The following ST8SIA4 variants were observed in gnomAD, a reference collection of about 807,000 sequenced individuals.
ST8SIA4 encodes ST8 alpha-N-acetyl-neuraminide alpha-2,8-sialyltransferase 4, also known as CMP-N-acetylneuraminate-poly-alpha-2,8-sialyltransferase.
Under a neutral mutation model 33.9 loss-of-function variants are expected in ST8SIA4, and 15 were observed. The observed-to-expected ratio is 0.44, with a 90% confidence interval of 0.30 to 0.68. The LOEUF is 0.68. Ranked by LOEUF, ST8SIA4 falls within the 30% of genes least tolerant of loss-of-function variation. The pLI is 0.10. For missense variants in ST8SIA4, 321 were observed against 428.0 expected (o/e 0.75, Z 2.21); for synonymous variants, 171 against 151.2 (o/e 1.13, Z -0.96).
chr5:100,853,668 G>T (rs1751750230), intron 4 of ST8SIA4, among the ~76,000 whole-genome samples: 1 of 152,160 alleles, frequency 6.6e-6, no homozygotes, highest in South Asian at 2.1e-4. Context: ...TAGGAGTCTT[G>T]TTAAATTACT....
At chr5:100,889,977 GAA>G (rs1056257176) in intron 2 of ST8SIA4, among the ~76,000 whole-genome samples, 9 of 151,764 alleles carry the variant, frequency 5.9e-5, no homozygotes, top group Non-Finnish European at 1.2e-4. Context: ...AAAGTAAAAA[GAA>G]AAAGAGGTAA....
intron 4 of ST8SIA4, among the ~76,000 whole-genome samples, chr5:100,829,562 G>A (rs1472135148): frequency 6.6e-6 from 1 of 152,120 alleles, no homozygotes; most frequent in Non-Finnish European, 1.5e-5. Flanking sequence ...ACATAATAAA[G>A]TACTTGTTGT....
chr5:100,813,263 T>A (rs1281130850), intron 4 of ST8SIA4, among the ~76,000 whole-genome samples: 1 of 152,024 alleles, frequency 6.6e-6, no homozygotes, highest in Non-Finnish European at 1.5e-5. Context: ...TTAAATAAAT[T>A]TATACTTTCA....
rs115772311 is a variant in ST8SIA4 at position 100,893,427 on chromosome 5, T to A, written c.245+2227A>T. ...TGTTCATTGTTTTATTGTTTATTTC[T>A]TTAATCTGTTAAGGAGAACCATACA... On this transcript the variant is annotated intron_variant, in intron 2 of 4. Transcript: ENST00000231461. 8.2e-3 allele frequency among the ~76,000 whole-genome samples: 1,253 copies of A among 152,276 alleles called. 9 individuals are homozygous for A. The highest frequency in any genetic ancestry group is 0.013 in the Non-Finnish European group (909 of 67,990).
At chr5:100,841,396 A>G (rs769466737) in intron 4 of ST8SIA4, among the ~76,000 whole-genome samples, 4 of 151,824 alleles carry the variant, frequency 2.6e-5, no homozygotes, top group Non-Finnish European at 5.9e-5. Context: ...AGGGAACATA[A>G]GGCCAATTCA....
At chr5:100,880,213 GATTAAAAAAGGGAT>G (rs1580478942) in intron 3 of ST8SIA4, among the ~76,000 whole-genome samples, 2 of 152,140 alleles carry the variant, frequency 1.3e-5, no homozygotes, top group East Asian at 3.9e-4. Flanking sequence ...TAGGGTCTGA[GATTAAAAAAGGGAT>G]AAATGCAGGC....
intron 4 of ST8SIA4, among the ~76,000 whole-genome samples, chr5:100,822,031 T>C (rs558619987): frequency 6.6e-6 from 1 of 152,308 alleles, no homozygotes; most frequent in African/African-American, 2.4e-5. Flanking sequence ...GGGTTTTGAA[T>C]TATATTACAA....
rs1580442236 is a variant in ST8SIA4, at chr5:100,806,958, C to G, written c.*4889G>C. 1 of 152,086 alleles carries G rather than the reference C, an allele frequency of 6.6e-6. No individual in the cohort carries two copies. The highest frequency in any genetic ancestry group is 1.9e-4 in the East Asian group (1 of 5,200). The allele number at this position is 152,086 out of a possible 1,614,324, so 9.4% of individuals were successfully genotyped here. A position where few individuals can be genotyped will look rare whatever the true frequency, so the allele number is the denominator to read the frequency against. On this transcript the variant is annotated 3_prime_UTR_variant, in exon 5 of 5. Transcript: ENST00000231461. ...TGTCACTTGTGAAATACTTTATTCC[C>G]TCAACCGCAAACAGAATGTGCTACA...
intron 3 of ST8SIA4, among the ~76,000 whole-genome samples, chr5:100,872,018 A>G (rs1752207171): frequency 6.6e-6 from 1 of 152,018 alleles, no homozygotes; most frequent in African/African-American, 2.4e-5. Context: ...CTTATGTACT[A>G]ATTTTGAAAT....
At chr5:100,855,817 A>G (rs1476001195) in intron 4 of ST8SIA4, among the ~76,000 whole-genome samples, 1 of 152,196 alleles carries the variant, frequency 6.6e-6, no homozygotes, top group Non-Finnish European at 1.5e-5. Flanking sequence ...TTTACTATGA[A>G]TTCTTATTAC....
At chr5:100,814,303 T>C (rs371996286) in intron 4 of ST8SIA4, among the ~76,000 whole-genome samples, 3 of 151,954 alleles carry the variant, frequency 2.0e-5, no homozygotes, top group African/African-American at 7.2e-5. Context: ...AAATAATGAG[T>C]AGAGTGACTT....
chr5:100,825,623 A>G (rs1751125347), intron 4 of ST8SIA4, among the ~76,000 whole-genome samples: 1 of 152,216 alleles, frequency 6.6e-6, no homozygotes, highest in South Asian at 2.1e-4. Context: ...CAGGTCAGAA[A>G]CAGGCTCTGA....
At chr5:100,840,363 T>G (rs1402485358) in intron 4 of ST8SIA4, among the ~76,000 whole-genome samples, 3 of 151,884 alleles carry the variant, frequency 2.0e-5, no homozygotes, top group East Asian at 3.9e-4. Flanking sequence ...TACATACATA[T>G]GCACATGGCA....
chr5:100,895,807 A>T, intron 1 of ST8SIA4, 22 bp from the exon 2 acceptor site: 2 of 1,610,366 alleles, frequency 1.2e-6, no homozygotes, highest in Non-Finnish European at 1.7e-6. Context: ...CAAAATTGCC[A>T]GCTTTGTGAA....
intron 3 of ST8SIA4, among the ~76,000 whole-genome samples, chr5:100,858,378 A>G (rs1751862310): frequency 6.6e-6 from 1 of 152,068 alleles, no homozygotes; most frequent in Non-Finnish European, 1.5e-5. Context: ...TTCCAATTGT[A>G]GAGAAAACAA....
At chr5:100,884,682 G>A (rs1645612355) in intron 3 of ST8SIA4, among the ~76,000 whole-genome samples, 1 of 152,188 alleles carries the variant, frequency 6.6e-6, no homozygotes, top group Non-Finnish European at 1.5e-5. Flanking sequence ...GAACTCAGTA[G>A]TTTAGGAATT....
At chr5:100,846,844 C>G (rs1304761451) in intron 4 of ST8SIA4, among the ~76,000 whole-genome samples, 4 of 152,048 alleles carry the variant, frequency 2.6e-5, no homozygotes, top group African/African-American at 9.7e-5. Context: ...TCCATAGGTT[C>G]CAGTTTGAGC....
intron 3 of ST8SIA4, 28 bp from the exon 4 acceptor site, chr5:100,856,424 ATG>A (rs1412196022): frequency 6.4e-7 from 1 of 1,572,260 alleles, no homozygotes; most frequent in Admixed American, 1.9e-5. Context: ...AATGGGACAA[ATG>A]AAAAAAAAAG....
chr5:100,838,094 T>C (rs956626327), intron 4 of ST8SIA4, among the ~76,000 whole-genome samples: 12 of 151,978 alleles, frequency 7.9e-5, no homozygotes, highest in African/African-American at 2.9e-4. Flanking sequence ...AGGCTTGTTA[T>C]CAGGATGTAT....
Sources: allele counts gnomAD v4.1 joint callset (sites outside exome capture counted in the v4.1 genomes callset), GRCh38; gene constraint gnomAD v4.1.1; transcripts MANE v1.5; gene names NCBI Gene and HGNC (gene_info 2026-07-23, HGNC 2026-07-21).